Variants in NDST4 observed in about 807,000 individuals in gnomAD.
NDST4 encodes the protein N-heparan sulfate sulfotransferase 4.
NDST4 carries 63 observed loss-of-function variants against 100.8 expected under a neutral mutation model. The ratio of observed to expected loss-of-function variants is 0.62; its 90% CI spans 0.51 to 0.77. The LOEUF (loss-of-function observed/expected upper bound fraction) is 0.77, where lower values mean the gene tolerates loss of function less well. Ranked by LOEUF, NDST4 falls within the 30% of genes least tolerant of loss-of-function variation. NDST4 has a pLI of 0.00. For missense variants in NDST4, 943 were observed against 1,018.4 expected, an observed-to-expected ratio of 0.93 and a Z score of 1.01; for synonymous variants, 377 against 361.8, an observed-to-expected ratio of 1.04 and a Z score of -0.48.
At chr4:115,022,464 C>CAT (rs146106879) in intron 2 of NDST4, among the ~76,000 whole-genome samples, 4 of 112,418 alleles carry the variant, frequency 3.6e-5, no homozygotes, top group African/African-American at 2.5e-4. Context: ...ATATGTGTTC[C>CAT]ATATATATGT....
intron 4 of NDST4, among the ~76,000 whole-genome samples, chr4:114,947,763 T>C (rs1725897953): frequency 6.6e-6 from 1 of 151,982 alleles, no homozygotes; most frequent in Admixed American, 6.6e-5. Flanking sequence ...AACGACTACA[T>C]GTAAATATCT....
At chr4:114,900,655 T>G (rs571435298) in intron 6 of NDST4, among the ~76,000 whole-genome samples, 6 of 152,298 alleles carry the variant, frequency 3.9e-5, no homozygotes, top group Non-Finnish European at 7.4e-5. Flanking sequence ...AGCTTAGGTG[T>G]TTAGTAGGCT....
chr4:115,037,951 T>C (rs1044091705), intron 2 of NDST4, among the ~76,000 whole-genome samples: 3 of 152,156 alleles, frequency 2.0e-5, no homozygotes, highest in African/African-American at 7.2e-5. Flanking sequence ...ACAGGTGAGT[T>C]CTATGTAAAA....
At chr4:114,897,560 G>C (rs146202930) in intron 6 of NDST4, among the ~76,000 whole-genome samples, 1 of 152,118 alleles carries the variant, frequency 6.6e-6, no homozygotes, top group Non-Finnish European at 1.5e-5. Context: ...ATTTTGTGTG[G>C]ACAAAAATTT....
At chr4:114,831,518 C>T (rs1723201072) in intron 12 of NDST4, among the ~76,000 whole-genome samples, 1 of 152,194 alleles carries the variant, frequency 6.6e-6, no homozygotes, top group Non-Finnish European at 1.5e-5. Context: ...GAATATTTAA[C>T]TGCATTAAGG....
At chr4:115,060,449 A>G (rs1021979676) in intron 2 of NDST4, among the ~76,000 whole-genome samples, 2 of 152,062 alleles carry the variant, frequency 1.3e-5, no homozygotes, top group African/African-American at 4.8e-5. Context: ...TAAGTAAACT[A>G]TTACTGATAA....
intron 3 of NDST4, among the ~76,000 whole-genome samples, chr4:114,975,365 C>G (rs900197847): frequency 6.6e-6 from 1 of 152,118 alleles, no homozygotes; most frequent in African/African-American, 2.4e-5. Flanking sequence ...TGTACTATCA[C>G]CACAGTATTA....
intron 1 of NDST4, among the ~76,000 whole-genome samples, chr4:115,087,219 T>C (rs887738902): frequency 7.9e-5 from 12 of 152,130 alleles, no homozygotes; most frequent in African/African-American, 2.9e-4. Flanking sequence ...AGGTAATATT[T>C]ACAATGGGAC....
intron 1 of NDST4, among the ~76,000 whole-genome samples, chr4:115,102,624 C>T (rs1420719527): frequency 2.0e-5 from 3 of 150,800 alleles, no homozygotes; most frequent in African/African-American, 4.9e-5. Flanking sequence ...TGGAATTTGC[C>T]TGTATCAGAT....
chr4:115,004,415 A>G (rs1403771976), intron 2 of NDST4, among the ~76,000 whole-genome samples: 1 of 152,184 alleles, frequency 6.6e-6, no homozygotes, highest in Non-Finnish European at 1.5e-5. Flanking sequence ...TATGGGAGGT[A>G]AAGCGAATTT....
intron 2 of NDST4, among the ~76,000 whole-genome samples, chr4:115,068,713 A>G (rs1228483255): frequency 1.3e-5 from 2 of 150,238 alleles, no homozygotes; most frequent in African/African-American, 2.4e-5. Context: ...GCTACTCAGG[A>G]GGCTGAGGCA....
At chr4:115,085,428 G>A (rs1729390448) in intron 1 of NDST4, among the ~76,000 whole-genome samples, 1 of 152,146 alleles carries the variant, frequency 6.6e-6, no homozygotes, top group Non-Finnish European at 1.5e-5. Flanking sequence ...TGAGATTTGG[G>A]AGGGGCAGGG....
intron 2 of NDST4, among the ~76,000 whole-genome samples, chr4:115,039,365 T>C (rs1456888858): frequency 6.6e-6 from 1 of 152,076 alleles, no homozygotes; most frequent in East Asian, 1.9e-4. Flanking sequence ...CTGTAGAGGC[T>C]GGAGGGATCT....
intron 4 of NDST4, among the ~76,000 whole-genome samples, chr4:114,960,372 CCAA>C (rs1264056858): frequency 2.0e-5 from 3 of 151,970 alleles, no homozygotes; most frequent in Non-Finnish European, 4.4e-5. Flanking sequence ...CTTTGGGAGG[CCAA>C]CGCGGGCAGA....
At chr4:114,834,986 C>T (rs558833630) in intron 11 of NDST4, among the ~76,000 whole-genome samples, 5 of 151,698 alleles carry the variant, frequency 3.3e-5, no homozygotes, top group South Asian at 2.1e-4. Context: ...TGTGTCTATT[C>T]GATTCTTCTC....
At chr4:115,070,651 A>C (rs74519191) in intron 2 of NDST4, among the ~76,000 whole-genome samples, 1,846 of 152,314 alleles carry the variant, frequency 0.012, 36 homozygotes, top group African/African-American at 0.042. Context: ...ATTGCCTTAC[A>C]AAAGGACATT....
chr4:114,939,379 C>G (rs1255522568), intron 4 of NDST4, among the ~76,000 whole-genome samples: 4 of 152,132 alleles, frequency 2.6e-5, no homozygotes, highest in African/African-American at 9.7e-5. Flanking sequence ...TTTACTCTCT[C>G]AAGTGATTCA....
intron 1 of NDST4, among the ~76,000 whole-genome samples, chr4:115,093,370 G>C (rs1020930270): frequency 8.6e-5 from 13 of 151,996 alleles, no homozygotes; most frequent in Admixed American, 6.6e-5. Context: ...AGCTACTCTA[G>C]AGGCTGAGGC....
chr4:114,896,797 G>A (rs1312295492), intron 6 of NDST4, among the ~76,000 whole-genome samples: 1 of 152,006 alleles, frequency 6.6e-6, no homozygotes, highest in East Asian at 1.9e-4. Flanking sequence ...CACTATACTT[G>A]TTTTTTTCTG....
Sources: allele counts gnomAD v4.1 joint callset (sites outside exome capture counted in the v4.1 genomes callset), GRCh38; gene constraint gnomAD v4.1.1; transcripts MANE v1.5; gene names NCBI Gene and HGNC (gene_info 2026-07-23, HGNC 2026-07-21).